YRDC: variants seen among roughly 807,000 people sequenced by gnomAD.
The protein encoded by YRDC is threonylcarbamoyl-AMP synthase.
A neutral mutation model predicts 21.5 loss-of-function variants in YRDC; 17 were observed. That is an observed-to-expected ratio of 0.79 (90% CI 0.54 to 1.19). YRDC has a LOEUF of 1.19. Ranked by LOEUF, YRDC falls within the 50% of genes most tolerant of loss-of-function variation. The probability of loss-of-function intolerance (pLI) is 0.00; values close to 1 mark genes in which losing one functional copy is unlikely to be tolerated. For missense variants in YRDC, 380 were observed against 397.1 expected (o/e 0.96, Z 0.37); for synonymous variants, 193 against 176.7 (o/e 1.09, Z -0.73).
chr1:37,806,940 G>A lies in YRDC; in HGVS notation c.541C>T (p.Gln181Ter), dbSNP rs760514966. Reference protein sequence around the residue: ...GIRIPDHAFMQDLAQMFEGPL... With the variant: ...GIRIPDHAFM ...CCCTCAAACATCTGAGCCAAGTCTT[G>A]CATAAAAGCATGATCAGGAATCCGA... Residue 181 changes from glutamine (Q) to a stop codon, truncating the protein, a stop_gained, in exon 3 of 5, where the codon CAA (glutamine) becomes TAA (stop). Transcript: ENST00000373044. LOFTEE classifies it high-confidence loss of function. 6 of 1,614,206 alleles carry A rather than the reference G, an allele frequency of 3.7e-6. No individual in the cohort carries two copies. Among genetic ancestry groups the A allele is most frequent in the Non-Finnish European group, 5.1e-6 (6 of 1,180,034 alleles).
At position 37,804,397 on chromosome 1, in the gene YRDC, T is replaced by A. The variant is rs1483692203; in HGVS notation, c.672A>T (p.Gly224=). 1.2e-6 allele frequency: 2 copies of A among 1,613,856 alleles called. No homozygotes were observed. The highest frequency in any genetic ancestry group is 3.3e-5 in the Admixed American group (2 of 60,004). The part of the protein sequence containing the change: ...WPQLSLVIDG[G]QIGDGQSPEC... Reference sequence around the variant, plus strand: ...CGGGGCTCTGGCCATCCCCAATTTGTCCCCCATCAATAACCAAGGACAACT... The same window carrying A: ...CGGGGCTCTGGCCATCCCCAATTTGACCCCCATCAATAACCAAGGACAACT... The change falls in exon 4 of 5, where the codon GGA becomes GGT. Residue 224 remains glycine (G), a synonymous_variant. Transcript: ENST00000373044.
chr1:37,804,236 A>G, intron 4 of YRDC, 66 bp downstream of exon 4: 2 of 1,570,818 alleles, frequency 1.3e-6, no homozygotes, highest in South Asian at 2.3e-5. Flanking sequence ...TTATCTTGTC[A>G]AAGCTTTTTT....
chr1:37,806,752 G>A (rs1342526853), intron 3 of YRDC, 105 bp downstream of exon 3: 1 of 1,545,658 alleles, frequency 6.5e-7, no homozygotes, highest in Non-Finnish European at 8.8e-7. Flanking sequence ...GTTGGCCCAA[G>A]AACTCTCATG....
chr1:37,807,867 G>A lies in YRDC; in HGVS notation c.314C>T (p.Ala105Val). 2 of 1,474,216 alleles carry A rather than the reference G, an allele frequency of 1.4e-6. No individual in the cohort carries two copies. Among genetic ancestry groups the A allele is most frequent in the Non-Finnish European group, 1.8e-6 (2 of 1,112,952 alleles). 91.3% of individuals were successfully genotyped at this position (1,474,216 alleles called of 1,614,324 possible). ...GCTGCGACCCTTGAGGCGGTACACA[G>A]CGCGCAGAGCCGCCGAGCAGCTCGC... Reference protein sequence around the residue: ...CAASCSAALRAVYRLKGRSEA... With the variant: ...CAASCSAALRVVYRLKGRSEA... The change falls in exon 1 of 5, where the codon GCT becomes GTT. Residue 105 changes from alanine (A) to valine (V), a missense_variant. This residue lies in a region of YRDC where 238 missense variants were observed against 236.5 expected (regional missense o/e 1.01). Transcript: ENST00000373044.
chr1:37,807,166 C>T lies in YRDC; in HGVS notation c.439G>A (p.Gly147Arg). The change falls in exon 2 of 5, where the codon GGA (glycine) becomes AGA (arginine). Residue 147 changes from glycine to arginine, a missense_variant. Gly to Arg is a moderately radical substitution (Grantham distance 125). Around this residue, in one of 3 missense-constraint regions of YRDC, gnomAD observed 238 missense variants for 236.5 expected, o/e 1.01. Transcript: ENST00000373044. ...PEGLLKDLLP[G>R]PVTLVMERSE... ...CGTTCCATCACCAGGGTCACTGGTC[C>T]TGGCAGTAGGTCTTTCAGGAGCCCC... The T allele has an allele frequency of 6.2e-7, 1 of 1,614,132 alleles. No individual in the cohort carries two copies.
chr1:37,803,220 T>C lies in YRDC; in HGVS notation c.*705A>G, dbSNP rs1646714065. The C allele has an allele frequency of 6.6e-6, 1 of 152,182 alleles. No individual in the cohort carries two copies. Among genetic ancestry groups the C allele is most frequent in the Non-Finnish European group, 1.5e-5 (1 of 68,050 alleles). 9.4% of individuals were successfully genotyped at this position (152,182 alleles called of 1,614,324 possible). A position where few individuals can be genotyped will look rare whatever the true frequency, so the allele number is the denominator to read the frequency against. ...CCTGCCAACTAAGCAGACATCCCACTATTACACCAAAAAGACTGCTCTCCC... is the reference window on the plus strand; with the variant it reads ...CCTGCCAACTAAGCAGACATCCCACCATTACACCAAAAAGACTGCTCTCCC... On this transcript the variant is annotated 3_prime_UTR_variant, in exon 5 of 5. Transcript: ENST00000373044.
chr1:37,808,028 C>T lies in YRDC; in HGVS notation c.153G>A (p.Pro51=). 1 of 1,294,456 alleles carries T rather than the reference C, an allele frequency of 7.7e-7. No individual in the cohort carries two copies. Among genetic ancestry groups the T allele is most frequent in the Non-Finnish European group, 9.8e-7 (1 of 1,024,020 alleles). 80.2% of individuals were successfully genotyped at this position (1,294,456 alleles called of 1,614,324 possible). ...AAPGARLLRL[P]GSGAVQAASP... ...TCGCGGCCTGCACGGCCCCGCTCCC[C>T]GGGAGCCGCAACAGCCGGGCGCCGG... is the stretch of plus-strand genomic sequence containing the variant. The change falls in exon 1 of 5, where the codon CCG becomes CCA. Residue 51 remains proline (P), a synonymous_variant. Transcript: ENST00000373044.
Position 37,803,824 on chromosome 1 carries a change from C to T in YRDC, c.*101G>A. 5.3e-6 allele frequency: 7 copies of T among 1,320,676 alleles called. No individual in the cohort carries two copies. The highest frequency in any genetic ancestry group is 7.5e-6 in the Non-Finnish European group (7 of 934,866). 81.8% of individuals were successfully genotyped at this position (1,320,676 alleles called of 1,614,324 possible). A position where few individuals can be genotyped will look rare whatever the true frequency, so the allele number is the denominator to read the frequency against. On this transcript the variant is annotated 3_prime_UTR_variant, in exon 5 of 5. Coordinates refer to ENST00000373044, the MANE Select transcript of YRDC (RefSeq NM_024640.4). Reference sequence around the variant, plus strand: ...ACTGCCTTAAAAGTCAGGCTAGTGCCCTAGCTCCGGTGGCCTCTGCAAATG... The same window carrying T: ...ACTGCCTTAAAAGTCAGGCTAGTGCTCTAGCTCCGGTGGCCTCTGCAAATG...
chr1:37,804,193 C>A (rs1646720444), intron 4 of YRDC, 109 bp downstream of exon 4: 2 of 1,521,398 alleles, frequency 1.3e-6, no homozygotes, highest in Non-Finnish European at 1.8e-6. Flanking sequence ...ACCTGGCCCA[C>A]ACTCCTTCAG....
chr1:37,807,893 C>A lies in YRDC; in HGVS notation c.288G>T (p.Ala96=). The A allele has an allele frequency of 2.1e-6, 3 of 1,448,050 alleles. No homozygotes were observed. The highest frequency in any genetic ancestry group is 1.8e-6 in the Non-Finnish European group (2 of 1,097,350). 89.7% of individuals were successfully genotyped at this position (1,448,050 alleles called of 1,614,324 possible). A position where few individuals can be genotyped will look rare whatever the true frequency, so the allele number is the denominator to read the frequency against. ...CGCGCAGAGCCGCCGAGCAGCTCGC[C>A]GCGCAGGCCAGGCCGTACAGCGTAT... ...PTDTLYGLAC[A]ASCSAALRAV... The change falls in exon 1 of 5, where the codon GCG becomes GCT. Residue 96 remains alanine (A), a synonymous_variant. Coordinates refer to ENST00000373044, the MANE Select transcript of YRDC (RefSeq NM_024640.4).
intron 3 of YRDC, 136 bp downstream of exon 3, chr1:37,806,721 C>T: frequency 1.4e-6 from 2 of 1,388,012 alleles, no homozygotes; most frequent in South Asian, 1.4e-5. Context: ...ACCTCCCTGC[C>T]AGCTGGGCAA....
At chr1:37,806,441 A>G (rs1201458284) in intron 3 of YRDC, among the ~76,000 whole-genome samples, 3 of 152,128 alleles carry the variant, frequency 2.0e-5, no homozygotes, top group Non-Finnish European at 4.4e-5. Context: ...ACCTCACATG[A>G]TCCACCTGCT....
At position 37,807,968 on chromosome 1, in the gene YRDC, C is replaced by A; in HGVS notation, c.213G>T (p.Arg71=). ...PERAGWTEAL[R]AAVAELRAGA... ...CGGCGCGCAGCTCGGCCACGGCGGCCCGCAGCGCCTCGGTCCAGCCGGCGC... is the reference window on the plus strand; with the variant it reads ...CGGCGCGCAGCTCGGCCACGGCGGCACGCAGCGCCTCGGTCCAGCCGGCGC... The change falls in exon 1 of 5, where the codon CGG becomes CGT. Residue 71 remains arginine, a synonymous_variant. Coordinates refer to ENST00000373044, the MANE Select transcript of YRDC (RefSeq NM_024640.4). The A allele has an allele frequency of 8.2e-7, 1 of 1,216,824 alleles. No homozygotes were observed. Among genetic ancestry groups the A allele is most frequent in the Non-Finnish European group, 1.0e-6 (1 of 978,660 alleles). The allele number at this position is 1,216,824 out of a possible 1,614,324, so 75.4% of individuals were successfully genotyped here. A position where few individuals can be genotyped will look rare whatever the true frequency, so the allele number is the denominator to read the frequency against.
chr1:37,805,090 T>C (rs1646726111), intron 3 of YRDC, among the ~76,000 whole-genome samples: 1 of 151,920 alleles, frequency 6.6e-6, no homozygotes, highest in Non-Finnish European at 1.5e-5. Context: ...ACCCCATCTC[T>C]ACTAAAAATA....
chr1:37,807,779 G>A lies in YRDC; in HGVS notation c.389+13C>T, dbSNP rs1239773835. 2.0e-6 allele frequency: 3 copies of A among 1,494,080 alleles called. No individual in the cohort carries two copies. The highest frequency in any genetic ancestry group is 2.4e-4 in the Middle Eastern group (1 of 4,206). 92.6% of individuals were successfully genotyped at this position (1,494,080 alleles called of 1,614,324 possible). On this transcript the variant is annotated intron_variant, in intron 1 of 4. Coordinates refer to ENST00000373044, the MANE Select transcript of YRDC (RefSeq NM_024640.4). Reference sequence around the variant, plus strand: ...GTGCCGCCCCTAGCGGGGCCGGGTCGGGGCGGCCTTACCTGTAGACGTCGG... The same window carrying A: ...GTGCCGCCCCTAGCGGGGCCGGGTCAGGGCGGCCTTACCTGTAGACGTCGG...
At chr1:37,807,720 T>G (rs1470822690) in intron 1 of YRDC, 72 bp downstream of exon 1, 1 of 1,387,442 alleles carries the variant, frequency 7.2e-7, no homozygotes, top group Non-Finnish European at 9.4e-7. Flanking sequence ...TGCGCCTCAG[T>G]CTCCCAAGCC....
intron 1 of YRDC, 33 bp downstream of exon 1, chr1:37,807,759 G>A: frequency 6.8e-7 from 1 of 1,464,898 alleles, no homozygotes; most frequent in Non-Finnish European, 9.0e-7. Context: ...CCGCGGTGCC[G>A]CCCCTAGCGG....
chr1:37,807,777 T>C lies in YRDC; in HGVS notation c.389+15A>G, dbSNP rs901784286. The C allele has an allele frequency of 2.7e-6, 4 of 1,491,780 alleles. No individual in the cohort carries two copies. In the African/African-American group the frequency reaches 5.7e-5, roughly 21 times the overall value. The allele number at this position is 1,491,780 out of a possible 1,614,324, so 92.4% of individuals were successfully genotyped here. On this transcript the variant is annotated intron_variant, in intron 1 of 4. Coordinates refer to ENST00000373044, the MANE Select transcript of YRDC (RefSeq NM_024640.4). The stretch of plus-strand genomic sequence containing the variant: ...CGGTGCCGCCCCTAGCGGGGCCGGG[T>C]CGGGGCGGCCTTACCTGTAGACGTC...
rs556035201 is a variant in YRDC at position 37,806,719 on chromosome 1, G to A, written c.624+138C>T. On this transcript the variant is annotated intron_variant, in intron 3 of 4. Coordinates refer to ENST00000373044, the MANE Select transcript of YRDC (RefSeq NM_024640.4). ...TTATATTGCCCCCCACCACCTCCCT[G>A]CCAGCTGGGCAACCTTCCCACTGTT... 15 of 1,367,688 alleles carry A rather than the reference G, an allele frequency of 1.1e-5. 1 individual carries two copies. In the South Asian group the frequency reaches 2.2e-4, roughly 20 times the overall value. The allele number at this position is 1,367,688 out of a possible 1,614,324, so 84.7% of individuals were successfully genotyped here.
Sources: allele counts gnomAD v4.1 joint callset (sites outside exome capture counted in the v4.1 genomes callset), GRCh38; gene constraint gnomAD v4.1.1; regional missense constraint gnomAD v4.1.1; transcripts MANE v1.5; gene names NCBI Gene and HGNC (gene_info 2026-07-23, HGNC 2026-07-21).